DIS3L2: variants seen among roughly 807,000 people sequenced by gnomAD.
The protein encoded by DIS3L2 is DIS3 like 3'-5' exoribonuclease 2.
DIS3L2 carries 34 observed loss-of-function variants against 97.5 expected under a neutral mutation model. That is an observed-to-expected ratio of 0.35 (90% CI 0.27 to 0.46). The LOEUF (loss-of-function observed/expected upper bound fraction) is 0.46, where lower values mean the gene tolerates loss of function less well. Among genes scored for constraint, DIS3L2 ranks in the 20% least tolerant of loss-of-function variants. DIS3L2 has a pLI of 1.00. For missense variants in DIS3L2, 1,038 were observed against 1,146.0 expected, an observed-to-expected ratio of 0.91 and a Z score of 1.36; for synonymous variants, 435 against 445.2, an observed-to-expected ratio of 0.98 and a Z score of 0.29.
intron 14 of DIS3L2, among the ~76,000 whole-genome samples, chr2:232,324,583 C>G (rs540809049): frequency 6.6e-6 from 1 of 152,250 alleles, no homozygotes; most frequent in South Asian, 2.1e-4. Context: ...AGTTTGTCAG[C>G]ACTTTATCAG....
intron 12 of DIS3L2, among the ~76,000 whole-genome samples, chr2:232,253,676 G>A (rs899699872): frequency 2.6e-5 from 4 of 152,132 alleles, no homozygotes; most frequent in Non-Finnish European, 2.9e-5. Flanking sequence ...CATGGTGGGG[G>A]AGGGAGTGTG....
chr2:232,160,369 G>A (rs767249754), intron 8 of DIS3L2, among the ~76,000 whole-genome samples: 4 of 152,084 alleles, frequency 2.6e-5, no homozygotes, highest in Non-Finnish European at 4.4e-5. Context: ...ATTATCCTAG[G>A]CAGTTTGCAT....
At position 232,263,422 on chromosome 2, in the gene DIS3L2, C is replaced by T. The variant is rs762905765; in HGVS notation, c.1641C>T (p.Gly547=). Residue 547 remains glycine, a synonymous_variant, in exon 13 of 21, where the codon GGC becomes GGT. Transcript: ENST00000325385. ...KQLRQQRFVD[G]ALRLDQLKLA... ...TACGCCAGCAGCGCTTTGTGGACGGCGCACTTCGTTTGGATCAGGTCAGTA... is the reference window on the plus strand; with the variant it reads ...TACGCCAGCAGCGCTTTGTGGACGGTGCACTTCGTTTGGATCAGGTCAGTA... The T allele has an allele frequency of 8.1e-6, 13 of 1,614,040 alleles. No homozygotes were observed. The East Asian group carries it at 1.6e-4, about 19-fold the overall frequency.
intron 9 of DIS3L2, among the ~76,000 whole-genome samples, chr2:232,189,462 C>T (rs72992337): frequency 0.012 from 1,818 of 152,266 alleles, 18 homozygotes; most frequent in Non-Finnish European, 0.018. Context: ...TACATATGTA[C>T]TGTATGATTC....
intron 11 of DIS3L2, among the ~76,000 whole-genome samples, chr2:232,244,277 C>T (rs895019414): frequency 2.0e-5 from 3 of 152,096 alleles, no homozygotes; most frequent in Admixed American, 2.0e-4. Flanking sequence ...GGCAAATCCC[C>T]AGCTGTGTTC....
At chr2:231,970,103 A>AT (rs1165830056) in intron 1 of DIS3L2, among the ~76,000 whole-genome samples, 19 of 150,838 alleles carry the variant, frequency 1.3e-4, no homozygotes, top group East Asian at 9.7e-4. Flanking sequence ...CACCTGGCTG[A>AT]TTTTTTTTTG....
At chr2:232,204,480 C>T (rs1048151251) in intron 9 of DIS3L2, among the ~76,000 whole-genome samples, 1 of 152,104 alleles carries the variant, frequency 6.6e-6, no homozygotes, top group Non-Finnish European at 1.5e-5. Flanking sequence ...CAGTCACGTG[C>T]CTTCAGAAAT....
intron 14 of DIS3L2, among the ~76,000 whole-genome samples, chr2:232,302,069 A>C (rs1694870521): frequency 6.6e-6 from 1 of 152,060 alleles, no homozygotes; most frequent in African/African-American, 2.4e-5. Context: ...AATATGAATA[A>C]GTTTTGGCCC....
At position 232,337,020 on chromosome 2, in the gene DIS3L2, G is replaced by A. The variant is rs982838850; in HGVS notation, c.*390G>A. 2 of 1,086,520 alleles carry A rather than the reference G, an allele frequency of 1.8e-6. No individual in the cohort carries two copies. The highest frequency in any genetic ancestry group is 1.7e-5 in the African/African-American group (1 of 58,242). 67.3% of individuals were successfully genotyped at this position (1,086,520 alleles called of 1,614,324 possible). A position where few individuals can be genotyped will look rare whatever the true frequency, so the allele number is the denominator to read the frequency against. ...CTCTGGGAAGCCTGGGCAGCAGAAT[G>A]CCCCTTGCACCCAGGGCAAGGGACC... On this transcript the variant is annotated 3_prime_UTR_variant, in exon 21 of 21. Transcript: ENST00000325385.
At chr2:232,279,547 T>C (rs1021103812) in intron 13 of DIS3L2, among the ~76,000 whole-genome samples, 2 of 150,982 alleles carry the variant, frequency 1.3e-5, no homozygotes, top group African/African-American at 4.9e-5. Context: ...TGTTTGTTTT[T>C]TGAGATAGTC....
chr2:232,202,915 G>A (rs1691936273), intron 9 of DIS3L2, among the ~76,000 whole-genome samples: 1 of 152,236 alleles, frequency 6.6e-6, no homozygotes, highest in African/African-American at 2.4e-5. Flanking sequence ...CACTGAGCAA[G>A]GGGACAGACC....
Position 232,293,988 on chromosome 2 carries a change from A to G in DIS3L2, c.1660-6052A>G, listed in dbSNP as rs1694664097. ...AGAGGGCCCGGAGGTGGCAGGGACC[A>G]GGCCTGCCTCCACCAAGGCACTGGC... On this transcript the variant is annotated intron_variant, in intron 13 of 20. Coordinates refer to ENST00000325385, the MANE Select transcript of DIS3L2 (RefSeq NM_152383.5). The surrounding 1 kb of genome is among the most constrained non-coding windows in gnomAD (Gnocchi z 4.6). Among the ~76,000 whole-genome samples, 1 of 152,232 alleles carries G rather than the reference A, an allele frequency of 6.6e-6. No homozygotes were observed. The highest frequency in any genetic ancestry group is 6.5e-5 in the Admixed American group (1 of 15,284).
intron 8 of DIS3L2, among the ~76,000 whole-genome samples, chr2:232,158,408 T>C (rs1327980161): frequency 6.6e-6 from 1 of 152,148 alleles, no homozygotes; most frequent in Non-Finnish European, 1.5e-5. Flanking sequence ...AGTGACTTAA[T>C]GAGACCTTAA....
chr2:232,312,251 G>A lies in DIS3L2; in HGVS notation c.1739+12132G>A, dbSNP rs1695155172. On this transcript the variant is annotated intron_variant, in intron 14 of 20. Transcript: ENST00000325385. ...TAAATGCTTTTTGTATACCATTTAA[G>A]AAATCTTTGTCTATATTCTAAAAGA... 2.0e-5 allele frequency among the ~76,000 whole-genome samples: 3 copies of A among 152,144 alleles called. No individual in the cohort carries two copies. In the South Asian group the frequency reaches 6.2e-4, roughly 31 times the overall value.
intron 15 of DIS3L2, 91 bp from the exon 16 acceptor site, chr2:232,330,598 GC>G: frequency 7.4e-7 from 1 of 1,353,644 alleles, no homozygotes; most frequent in Non-Finnish European, 1.1e-6. Flanking sequence ...TCCCCCCAGA[GC>G]CGGGCATGAG....
intron 1 of DIS3L2, among the ~76,000 whole-genome samples, chr2:231,971,330 G>A (rs766159430): frequency 6.6e-6 from 1 of 150,464 alleles, no homozygotes; most frequent in South Asian, 2.1e-4. Context: ...GCAGTGGCGC[G>A]ATCTGGCTCA....
At chr2:232,337,801 G>T (rs908336866), downstream of DIS3L2, among the ~76,000 whole-genome samples, 1 of 151,550 alleles carries the variant, frequency 6.6e-6, no homozygotes, top group Non-Finnish European at 1.5e-5. Context: ...AGAGTGCCTC[G>T]CAGCGACAGT....
intron 5 of DIS3L2, among the ~76,000 whole-genome samples, chr2:232,031,075 TG>T (rs1694792524): frequency 6.6e-6 from 1 of 152,216 alleles, no homozygotes; most frequent in Admixed American, 6.5e-5. Context: ...CTGCTGCAAA[TG>T]TCTCATCTGT....
downstream of DIS3L2, among the ~76,000 whole-genome samples, chr2:232,338,875 T>C (rs1186279946): frequency 1.3e-5 from 2 of 152,292 alleles, no homozygotes; most frequent in Non-Finnish European, 2.9e-5. Flanking sequence ...GGCCATTCCC[T>C]GGGCTGTCCC....
Sources: allele counts gnomAD v4.1 joint callset (sites outside exome capture counted in the v4.1 genomes callset), GRCh38; gene constraint gnomAD v4.1.1; non-coding constraint Gnocchi (gnomAD v3.1); transcripts MANE v1.5; gene names NCBI Gene and HGNC (gene_info 2026-07-23, HGNC 2026-07-21).